Variants in DNAAF11 observed in about 807,000 individuals in gnomAD.
DNAAF11 encodes the protein dynein axonemal assembly factor 11, also known as leucine rich repeat containing 6.
Under a neutral mutation model 60.8 loss-of-function variants are expected in DNAAF11, and 45 were observed. That is an observed-to-expected ratio of 0.74 (90% confidence interval 0.58 to 0.95). DNAAF11 has a LOEUF of 0.95. Ranked by LOEUF, DNAAF11 falls within the 40% of genes least tolerant of loss-of-function variation. The probability of loss-of-function intolerance (pLI) is 0.00; values close to 1 mark genes in which losing one functional copy is unlikely to be tolerated. For synonymous variants in DNAAF11, 191 were observed against 183.5 expected, an observed-to-expected ratio of 1.04 and a Z score of -0.33; for missense variants, 546 against 546.2, an observed-to-expected ratio of 1.00 and a Z score of 0.00.
At chr8:132,599,657 G>A (rs186318409) in intron 10 of DNAAF11, among the ~76,000 whole-genome samples, 2 of 152,126 alleles carry the variant, frequency 1.3e-5, no homozygotes, top group Non-Finnish European at 2.9e-5. Flanking sequence ...CATATAAACA[G>A]AACCAAAGAC....
In DNAAF11 at chr8:132,661,630, G is replaced by A; in HGVS notation, c.11-3C>T. The A allele has an allele frequency of 6.2e-7, 1 of 1,612,662 alleles. No homozygotes were observed. The highest frequency in any genetic ancestry group is 8.5e-7 in the Non-Finnish European group (1 of 1,178,732). On this transcript the variant is annotated splice_polypyrimidine_tract_variant and splice_region_variant and intron_variant, in intron 1 of 11. Coordinates refer to ENST00000620350, the MANE Select transcript of DNAAF11 (RefSeq NM_012472.6). ...CCGTCTAATAAGATCTTCTGTGACT[G>A]GAAGAAAATGTGTTACATATTACAT...
chr8:132,610,008 C>T (rs1348038060), intron 10 of DNAAF11, among the ~76,000 whole-genome samples, 158 bp downstream of exon 10: 1 of 152,172 alleles, frequency 6.6e-6, no homozygotes, highest in African/African-American at 2.4e-5. Flanking sequence ...TCTTTGTTCT[C>T]ACAGACCGTT....
chr8:132,650,699 T>C (rs911024679), intron 3 of DNAAF11, among the ~76,000 whole-genome samples: 1 of 152,226 alleles, frequency 6.6e-6, no homozygotes, highest in Non-Finnish European at 1.5e-5. Flanking sequence ...AGATGAATTT[T>C]ATAAATGTAG....
intron 10 of DNAAF11, among the ~76,000 whole-genome samples, chr8:132,585,406 A>T (rs1400355733): frequency 6.6e-6 from 1 of 152,182 alleles, no homozygotes; most frequent in Non-Finnish European, 1.5e-5. Flanking sequence ...CATGGGTCTC[A>T]TGGGAGGGTG....
In DNAAF11 at chr8:132,591,873, TAAAAC is replaced by T. The variant is rs929570335; in HGVS notation, c.1141-8099_1141-8095del. 2.6e-4 allele frequency among the ~76,000 whole-genome samples: 40 copies of T among 152,296 alleles called. 1 individual carries two copies. The highest frequency in any genetic ancestry group is 9.6e-4 in the African/African-American group (40 of 41,592). On this transcript the variant is annotated intron_variant, in intron 10 of 11. Transcript: ENST00000620350. ...TTAATTATTGTAGATTGTAAATAAT[TAAAAC>T]TATTGCTTTTCCTTGGTAATTTTTA...
chr8:132,672,002 A>C (rs1488481390), intron 1 of DNAAF11, among the ~76,000 whole-genome samples: 1 of 152,174 alleles, frequency 6.6e-6, no homozygotes, highest in Non-Finnish European at 1.5e-5. Context: ...TAAAATAATA[A>C]ATTAAACTTC....
chr8:132,591,453 A>G (rs992459460), intron 10 of DNAAF11, among the ~76,000 whole-genome samples: 3 of 115,420 alleles, frequency 2.6e-5, no homozygotes, highest in African/African-American at 4.3e-5. Flanking sequence ...GATGAAAAAT[A>G]TAATATTTTA....
intron 3 of DNAAF11, among the ~76,000 whole-genome samples, chr8:132,652,753 G>T (rs1260346817): frequency 6.6e-6 from 1 of 152,084 alleles, no homozygotes; most frequent in Non-Finnish European, 1.5e-5. Context: ...AGAACACATG[G>T]ACACAGGGAG....
the DNAAF11 span, among the ~76,000 whole-genome samples, chr8:132,701,372 C>T: frequency 6.6e-6 from 1 of 152,174 alleles, no homozygotes; most frequent in African/African-American, 2.4e-5. Flanking sequence ...CTTTTCCCTC[C>T]TGGAGCTTGT....
intron 2 of DNAAF11, among the ~76,000 whole-genome samples, chr8:132,657,585 A>G (rs1390504368): frequency 6.6e-6 from 1 of 152,216 alleles, no homozygotes; most frequent in African/African-American, 2.4e-5. Flanking sequence ...ACTTGAAGCC[A>G]AAATCAACCT....
At chr8:132,684,243 C>T in the DNAAF11 span, among the ~76,000 whole-genome samples, 1,790 of 152,264 alleles carry the variant, frequency 0.012, 33 homozygotes, top group African/African-American at 0.04. Context: ...GAAGTTGTTA[C>T]AGAAACAGCT....
intron 3 of DNAAF11, among the ~76,000 whole-genome samples, chr8:132,649,651 G>C (rs905093736): frequency 1.3e-5 from 2 of 152,080 alleles, no homozygotes; most frequent in African/African-American, 2.4e-5. Context: ...AATCTACAAA[G>C]AATTTAAAGA....
chr8:132,596,681 T>A (rs2131125905), intron 10 of DNAAF11, among the ~76,000 whole-genome samples: 1 of 152,284 alleles, frequency 6.6e-6, no homozygotes, highest in South Asian at 2.1e-4. Flanking sequence ...CAGTAGGTGA[T>A]AAAGTGAGCA....
chr8:132,661,516 T>C lies in DNAAF11; in HGVS notation c.122A>G (p.Lys41Arg), dbSNP rs182327254. Residue 41 changes from lysine to arginine, a missense_variant, in exon 2 of 12, where the codon AAA becomes AGA. Coordinates refer to ENST00000620350, the MANE Select transcript of DNAAF11 (RefSeq NM_012472.6). The stretch of plus-strand genomic sequence containing the variant: ...GAGAATTTTTAAATCCCGGCACCAT[T>C]TATCAATGTGTTCTAGTCTTTCTAT... ...QEIERLEHIDKWCRDLKILYL... is the reference protein window; with the variant it reads ...QEIERLEHIDRWCRDLKILYL... 16 of 1,613,644 alleles carry C rather than the reference T, an allele frequency of 9.9e-6. No homozygotes were observed. The African/African-American group carries it at 1.1e-4, about 11-fold the overall frequency.
At chr8:132,648,516 C>T (rs947340322) in intron 3 of DNAAF11, among the ~76,000 whole-genome samples, 6 of 152,104 alleles carry the variant, frequency 3.9e-5, no homozygotes, top group Non-Finnish European at 8.8e-5. Flanking sequence ...CCAGGGCAAT[C>T]AGGCAGGAGA....
At chr8:132,680,027 G>A (rs1825842505), upstream of DNAAF11, among the ~76,000 whole-genome samples, 1 of 152,184 alleles carries the variant, frequency 6.6e-6, no homozygotes, top group South Asian at 2.1e-4. Flanking sequence ...GGCTGGTTAT[G>A]ATGTGTCCTT....
At chr8:132,658,183 T>C (rs191411272) in intron 2 of DNAAF11, among the ~76,000 whole-genome samples, 31 of 152,360 alleles carry the variant, frequency 2.0e-4, no homozygotes, top group African/African-American at 7.2e-4. Flanking sequence ...AATCTCAATT[T>C]ATGCATTGTT....
At chr8:132,610,079 C>A in intron 10 of DNAAF11, 87 bp downstream of exon 10, 1 of 884,204 alleles carries the variant, frequency 1.1e-6, no homozygotes, top group South Asian at 1.4e-5. Flanking sequence ...GTACTTTAAT[C>A]AGAAGTCATC....
rs1823198247 is a variant in DNAAF11 at position 132,653,194 on chromosome 8, GATA to G, written c.256+3633_256+3635del. On this transcript the variant is annotated intron_variant, in intron 3 of 11. Coordinates refer to ENST00000620350, the MANE Select transcript of DNAAF11 (RefSeq NM_012472.6). Reference sequence around the variant, plus strand: ...AACACAAAAGAAAGTTATTGGAAAAGATAATAGGTAGATGGATGGATAGATGGA... The same window carrying G: ...AACACAAAAGAAAGTTATTGGAAAAGATAGGTAGATGGATGGATAGATGGA... 6.6e-5 allele frequency among the ~76,000 whole-genome samples: 10 copies of G among 152,254 alleles called. 1 individual carries two copies. The South Asian group carries it at 1.9e-3, about 28-fold the overall frequency.
Sources: gnomAD v4.1 joint callset for allele counts (sites outside exome capture counted in the v4.1 genomes callset) on GRCh38, gnomAD v4.1.1 for gene constraint, MANE v1.5 for transcripts, NCBI Gene and HGNC (gene_info 2026-07-23, HGNC 2026-07-21) for gene names.